UNC13B: variants seen among roughly 807,000 people sequenced by gnomAD.
The protein encoded by UNC13B is protein unc-13 homolog B.
UNC13B carries 144 observed loss-of-function variants against 211.0 expected under a neutral mutation model. That is an observed-to-expected ratio of 0.68 (90% CI 0.60 to 0.78). The LOEUF (loss-of-function observed/expected upper bound fraction) is 0.78. UNC13B is among the 30% of genes least tolerant of loss of function. UNC13B has a pLI of 0.00. For synonymous variants in UNC13B, 709 were observed against 725.8 expected (o/e 0.98, Z 0.37); for missense variants, 1,777 against 2,002.0 (o/e 0.89, Z 2.14).
At chr9:35,218,218 A>C (rs1450851897) in intron 1 of UNC13B, among the ~76,000 whole-genome samples, 1 of 152,176 alleles carries the variant, frequency 6.6e-6, no homozygotes, top group Non-Finnish European at 1.5e-5. Context: ...ACATGTCCAC[A>C]CACTGGAAAA....
intron 1 of UNC13B, among the ~76,000 whole-genome samples, chr9:35,198,009 A>G (rs1462323396): frequency 2.0e-5 from 3 of 152,218 alleles, no homozygotes; most frequent in Non-Finnish European, 4.4e-5. Context: ...TTTAAAAAAC[A>G]TATCTACACA....
Position 35,397,647 on chromosome 9 carries a change from G to T in UNC13B, c.11689G>T (p.Val3897Leu). Reference sequence around the variant, plus strand: ...CTCCTCTTCTCAGACCATCGGGAAGGTGCTGATGCAGTATGCAGACATCTT... The same window carrying T: ...CTCCTCTTCTCAGACCATCGGGAAGTTGCTGATGCAGTATGCAGACATCTT... ...MRRFAKTIGKVLMQYADILSK... is the reference protein window; with the variant it reads ...MRRFAKTIGKLLMQYADILSK... Residue 3897 changes from valine (V) to leucine (L), a missense_variant, in exon 30 of 40, where the codon GTG becomes TTG. By Grantham distance (32) the Val-to-Leu change is conservative. Transcript: ENST00000635942. 1 of 1,613,778 alleles carries T rather than the reference G, an allele frequency of 6.2e-7. No individual in the cohort carries two copies. The highest frequency in any genetic ancestry group is 8.5e-7 in the Non-Finnish European group (1 of 1,179,898).
intron 6 of UNC13B, among the ~76,000 whole-genome samples, chr9:35,243,581 C>T (rs1825924266): frequency 6.6e-6 from 1 of 152,194 alleles, no homozygotes; most frequent in Non-Finnish European, 1.5e-5. Flanking sequence ...TACTGTGGTA[C>T]TAGTCTGGCT....
At chr9:35,208,918 T>C (rs969382962) in intron 1 of UNC13B, among the ~76,000 whole-genome samples, 1 of 152,242 alleles carries the variant, frequency 6.6e-6, no homozygotes, top group Non-Finnish European at 1.5e-5. Context: ...CTACTTGGAA[T>C]TCTCTTACAA....
intron 7 of UNC13B, among the ~76,000 whole-genome samples, chr9:35,260,907 AAT>A (rs1261149378): frequency 1.3e-5 from 2 of 152,204 alleles, no homozygotes; most frequent in Non-Finnish European, 2.9e-5. Context: ...TCATTGATGA[AAT>A]ATAATTGAAG....
At chr9:35,364,892 C>T (rs1027008180) in intron 11 of UNC13B, among the ~76,000 whole-genome samples, 2 of 152,218 alleles carry the variant, frequency 1.3e-5, no homozygotes, top group African/African-American at 2.4e-5. Flanking sequence ...CTCCTTTTCT[C>T]CTACTCAGCT....
At position 35,240,229 on chromosome 9, in the gene UNC13B, C is replaced by T. The variant is rs146499041; in HGVS notation, c.394+2403C>T. Among the ~76,000 whole-genome samples the T allele has an allele frequency of 2.8e-3, 427 of 152,276 alleles. 1 individual carries two copies. Among genetic ancestry groups the T allele is most frequent in the African/African-American group, 9.8e-3 (407 of 41,560 alleles). On this transcript the variant is annotated intron_variant, in intron 5 of 39. Transcript: ENST00000635942. ...TTCAGCCTGTCCCTCTGTTCAGGGT[C>T]CCTGACTTCCCGCAACAGTATCTTG...
At chr9:35,197,369 G>A (rs1272688872) in intron 1 of UNC13B, among the ~76,000 whole-genome samples, 5 of 151,620 alleles carry the variant, frequency 3.3e-5, no homozygotes, top group South Asian at 2.1e-4. Context: ...CCCCACACCC[G>A]GCTAGTTTTT....
At chr9:35,369,259 G>A (rs1587713254) in intron 12 of UNC13B, among the ~76,000 whole-genome samples, 4 of 150,510 alleles carry the variant, frequency 2.7e-5, no homozygotes, top group Non-Finnish European at 4.4e-5. Flanking sequence ...TAGACCAGCC[G>A]TGGTATACAG....
chr9:35,296,667 T>C (rs924721535), intron 8 of UNC13B, among the ~76,000 whole-genome samples: 2 of 152,242 alleles, frequency 1.3e-5, no homozygotes, highest in Admixed American at 6.5e-5. Context: ...CCCATATTCA[T>C]GTTGCCTAGA....
intron 7 of UNC13B, among the ~76,000 whole-genome samples, chr9:35,274,720 A>T (rs944536930): frequency 6.6e-6 from 1 of 152,194 alleles, no homozygotes; most frequent in African/African-American, 2.4e-5. Context: ...GGGTTTAATT[A>T]TAAATGTATC....
intron 1 of UNC13B, among the ~76,000 whole-genome samples, chr9:35,202,277 A>G (rs1823349498): frequency 6.6e-6 from 1 of 152,210 alleles, no homozygotes; most frequent in Non-Finnish European, 1.5e-5. Context: ...CACTTTTGGA[A>G]TAAGTATGAT....
At chr9:35,402,559 G>A (rs1287961064) in intron 37 of UNC13B, among the ~76,000 whole-genome samples, 3 of 152,110 alleles carry the variant, frequency 2.0e-5, no homozygotes, top group Admixed American at 6.5e-5. Flanking sequence ...TGGGATTACA[G>A]GTGTGAGCCA....
At chr9:35,317,167 C>T (rs1459136278) in intron 11 of UNC13B, among the ~76,000 whole-genome samples, 3 of 152,072 alleles carry the variant, frequency 2.0e-5, no homozygotes, top group Admixed American at 2.0e-4. Context: ...CACTGGGAGT[C>T]TGTTGATATA....
chr9:35,190,968 CTTTTTTT>C (rs913163980), intron 1 of UNC13B, among the ~76,000 whole-genome samples: 3 of 151,084 alleles, frequency 2.0e-5, no homozygotes, highest in South Asian at 2.1e-4. Flanking sequence ...TTTCTTTTTT[CTTTTTTT>C]TTGAGACAGA....
At position 35,301,219 on chromosome 9, in the gene UNC13B, T is replaced by C. The variant is rs1030128560; in HGVS notation, c.1815T>C (p.Asp605=). ...SMQSPLSSQK[D]DNVNIDRHRK... is the part of the protein sequence containing the mutation. ...AATCTCCATTATCCTCTCAAAAAGA[T>C]GATAATGTGAATATAGACAGACATA... Residue 605 remains aspartate, a synonymous_variant, in exon 9 of 40, where the codon GAT becomes GAC. Coordinates refer to ENST00000635942, the MANE Select transcript of UNC13B (RefSeq NM_001371189.2). The C allele has an allele frequency of 2.5e-6, 1 of 398,814 alleles. No individual in the cohort carries two copies. Among genetic ancestry groups the C allele is most frequent in the Non-Finnish European group, 4.4e-6 (1 of 225,930 alleles). The allele number at this position is 398,814 out of a possible 1,614,324, so 24.7% of individuals were successfully genotyped here.
rs1391891162 is a variant in UNC13B at position 35,162,069 on chromosome 9, T to A, written c.-215T>A. ...GCTGTGCCGCGCCCAGTCCCCAGCCTGCCGGCCGGTACTCACCGCTACCCG... is the reference window on the plus strand; with the variant it reads ...GCTGTGCCGCGCCCAGTCCCCAGCCAGCCGGCCGGTACTCACCGCTACCCG... On this transcript the variant is annotated 5_prime_UTR_variant, in exon 1 of 40. Transcript: ENST00000635942. The A allele has an allele frequency of 3.2e-6, 2 of 630,640 alleles. No homozygotes were observed. The highest frequency in any genetic ancestry group is 6.6e-5 in the East Asian group (2 of 30,152). The allele number at this position is 630,640 out of a possible 1,614,324, so 39.1% of individuals were successfully genotyped here.
intron 9 of UNC13B, among the ~76,000 whole-genome samples, chr9:35,309,222 AGTGT>A (rs5897599): frequency 0.49 from 71,279 of 144,860 alleles, 18,475 homozygotes; most frequent in Middle Eastern, 0.61. Flanking sequence ...GGTCAGGGTC[AGTGT>A]GTGTGTGTGT....
intron 7 of UNC13B, among the ~76,000 whole-genome samples, chr9:35,288,699 G>C (rs1041893289): frequency 5.9e-5 from 9 of 152,222 alleles, no homozygotes; most frequent in African/African-American, 2.2e-4. Context: ...TCATGCGTTA[G>C]AGATGGGCCC....
Sources: gnomAD v4.1 joint callset for allele counts (sites outside exome capture counted in the v4.1 genomes callset) on GRCh38, gnomAD v4.1.1 for gene constraint, MANE v1.5 for transcripts, NCBI Gene and HGNC (gene_info 2026-07-23, HGNC 2026-07-21) for gene names.